STARD13: variants seen among roughly 807,000 people sequenced by gnomAD.
The protein encoded by STARD13 is StAR related lipid transfer domain containing 13.
Under a neutral mutation model 106.4 loss-of-function variants are expected in STARD13, and 62 were observed. The ratio of observed to expected loss-of-function variants is 0.58; its 90% CI spans 0.48 to 0.72. The LOEUF (loss-of-function observed/expected upper bound fraction) is 0.72, where lower values mean the gene tolerates loss of function less well. STARD13 is among the 30% of genes least tolerant of loss of function. The probability of loss-of-function intolerance (pLI) is 0.00; values close to 1 mark genes in which losing one functional copy is unlikely to be tolerated. For missense variants in STARD13, 1,387 were observed against 1,424.0 expected (o/e 0.97, Z 0.42); for synonymous variants, 565 against 553.0 (o/e 1.02, Z -0.31).
At chr13:33,138,227 A>T (rs962402263) in intron 4 of STARD13, among the ~76,000 whole-genome samples, 1 of 152,184 alleles carries the variant, frequency 6.6e-6, no homozygotes, top group African/African-American at 2.4e-5. Flanking sequence ...TGGAGTCTTC[A>T]GTCTCTGGCT....
At chr13:33,587,958 TCCTTTTTTA>T in the STARD13 span, among the ~76,000 whole-genome samples, 12 of 152,316 alleles carry the variant, frequency 7.9e-5, no homozygotes, top group African/African-American at 2.6e-4. Context: ...AATCAACGTC[TCCTTTTTTA>T]CCTTTTTAAA....
chr13:33,458,386 C>T, the STARD13 span, among the ~76,000 whole-genome samples: 2 of 151,610 alleles, frequency 1.3e-5, no homozygotes, highest in Non-Finnish European at 2.9e-5. Context: ...CATTCTCCTG[C>T]TTCAGCCTCC....
chr13:33,532,088 A>C, the STARD13 span, among the ~76,000 whole-genome samples: 1 of 152,132 alleles, frequency 6.6e-6, no homozygotes, highest in Non-Finnish European at 1.5e-5. Context: ...AGCTCAGCAC[A>C]GTCTATAGGC....
At position 33,142,402 on chromosome 13, in the gene STARD13, C is replaced by G. The variant is rs764056556; in HGVS notation, c.324-29G>C. 5 of 1,574,934 alleles carry G rather than the reference C, an allele frequency of 3.2e-6. No individual in the cohort carries two copies. In the East Asian group the frequency reaches 1.1e-4, roughly 35 times the overall value. ...AAAGGAAAGAAAAATGTGATGATTA[C>G]TTTCACTAATGAATTTAAATCTCTC... On this transcript the variant is annotated intron_variant, in intron 3 of 13. Coordinates refer to ENST00000336934, the MANE Select transcript of STARD13 (RefSeq NM_178006.4).
the STARD13 span, among the ~76,000 whole-genome samples, chr13:33,527,491 T>C: frequency 6.6e-6 from 1 of 152,022 alleles, no homozygotes; most frequent in East Asian, 1.9e-4. Context: ...AAACCAATAA[T>C]AAAGTTCTCC....
chr13:33,647,958 CTT>C, the STARD13 span, among the ~76,000 whole-genome samples: 1 of 151,980 alleles, frequency 6.6e-6, no homozygotes, highest in East Asian at 1.9e-4. Flanking sequence ...TTAATATAGT[CTT>C]ATCTCATAAA....
chr13:33,342,942 TC>T (rs1461033870), intron 1 of STARD13, among the ~76,000 whole-genome samples: 3 of 152,222 alleles, frequency 2.0e-5, no homozygotes, highest in Non-Finnish European at 4.4e-5. Flanking sequence ...CTTGGCCCCT[TC>T]CCCTTATCTG....
chr13:33,269,975 C>T (rs945088003), intron 1 of STARD13, among the ~76,000 whole-genome samples: 5 of 152,190 alleles, frequency 3.3e-5, no homozygotes, highest in African/African-American at 1.2e-4. Context: ...GTGGTTCACA[C>T]CTGAAATCCC....
the STARD13 span, among the ~76,000 whole-genome samples, chr13:33,552,894 T>C: frequency 6.6e-6 from 1 of 152,104 alleles, no homozygotes; most frequent in East Asian, 1.9e-4. Context: ...ATCTGGAAGA[T>C]TAAAAACACA....
the STARD13 span, among the ~76,000 whole-genome samples, chr13:33,551,383 C>T: frequency 6.6e-6 from 1 of 152,168 alleles, no homozygotes; most frequent in African/African-American, 2.4e-5. Flanking sequence ...CGTGTCAGCA[C>T]TCAAAAAGTT....
the STARD13 span, among the ~76,000 whole-genome samples, chr13:33,542,486 G>A: frequency 6.6e-6 from 1 of 152,228 alleles, no homozygotes; most frequent in East Asian, 1.9e-4. Context: ...TAGCAAACGT[G>A]CAAACATTGA....
At chr13:33,514,947 T>C in the STARD13 span, among the ~76,000 whole-genome samples, 4 of 152,096 alleles carry the variant, frequency 2.6e-5, no homozygotes, top group East Asian at 7.8e-4. Flanking sequence ...TGTGAATAAA[T>C]GGGAGTGGAG....
the STARD13 span, among the ~76,000 whole-genome samples, chr13:33,516,129 A>T: frequency 6.7e-6 from 1 of 148,536 alleles, no homozygotes; most frequent in Non-Finnish European, 1.5e-5. Context: ...TAACACTCTC[A>T]GAAGTGTTAT....
At chr13:33,423,716 C>T in the STARD13 span, among the ~76,000 whole-genome samples, 26 of 152,112 alleles carry the variant, frequency 1.7e-4, no homozygotes, top group African/African-American at 4.8e-4. Context: ...AAGGATAGAC[C>T]GGATTAAGAA....
intron 1 of STARD13, among the ~76,000 whole-genome samples, chr13:33,303,701 A>G (rs973065145): frequency 6.6e-6 from 1 of 152,186 alleles, no homozygotes; most frequent in East Asian, 1.9e-4. Flanking sequence ...TGTCAAAGAC[A>G]ATCAGGGAGA....
intron 1 of STARD13, among the ~76,000 whole-genome samples, chr13:33,193,736 G>A (rs1000083360): frequency 2.0e-5 from 3 of 152,104 alleles, no homozygotes; most frequent in African/African-American, 7.2e-5. Flanking sequence ...TTTGAAGCAG[G>A]AAAACAAAAC....
chr13:33,464,833 T>A, the STARD13 span, among the ~76,000 whole-genome samples: 1 of 151,692 alleles, frequency 6.6e-6, no homozygotes, highest in East Asian at 1.9e-4. Context: ...GAGACTCTTG[T>A]CTCCAAAAAA....
At chr13:33,371,063 T>C in the STARD13 span, among the ~76,000 whole-genome samples, 3 of 152,218 alleles carry the variant, frequency 2.0e-5, no homozygotes, top group Non-Finnish European at 4.4e-5. Context: ...AAATTTTACA[T>C]GGGCTCCTCC....
At chr13:33,458,785 G>C in the STARD13 span, among the ~76,000 whole-genome samples, 1 of 150,064 alleles carries the variant, frequency 6.7e-6, no homozygotes, top group Non-Finnish European at 1.5e-5. Flanking sequence ...GGGCGCTTCT[G>C]AGTGAGGAAC....
Sources: allele counts gnomAD v4.1 joint callset (sites outside exome capture counted in the v4.1 genomes callset), GRCh38; gene constraint gnomAD v4.1.1; transcripts MANE v1.5; gene names NCBI Gene and HGNC (gene_info 2026-07-23, HGNC 2026-07-21).